The following GIPC2 variants were observed in gnomAD, a reference collection of about 807,000 sequenced individuals.
The protein encoded by GIPC2 is PDZ domain-containing protein GIPC2.
In GIPC2, 30 loss-of-function variants were observed where a neutral mutation model predicts 30.6. The observed-to-expected ratio is 0.98, with a 90% confidence interval of 0.73 to 1.33. The LOEUF (loss-of-function observed/expected upper bound fraction) is 1.33. GIPC2 is among the 40% of genes most tolerant of loss of function. GIPC2 has a pLI of 0.00. For missense variants in GIPC2, 414 were observed against 390.3 expected (o/e 1.06, Z -0.51); for synonymous variants, 167 against 150.0 (o/e 1.11, Z -0.83).
chr1:78,085,239 T>G (rs1323924326), intron 2 of GIPC2, among the ~76,000 whole-genome samples: 2 of 152,352 alleles, frequency 1.3e-5, no homozygotes, highest in East Asian at 3.9e-4. Context: ...CATTTATTGA[T>G]ATGCTTATGT....
chr1:78,046,355 G>C (rs748261687), intron 1 of GIPC2, 21 bp downstream of exon 1: 2 of 1,583,056 alleles, frequency 1.3e-6, no homozygotes, highest in African/African-American at 2.7e-5. Context: ...AGGTGCTCAG[G>C]CTCTCCCGCC....
At chr1:78,130,616 C>T (rs1233454106) in intron 5 of GIPC2, among the ~76,000 whole-genome samples, 3 of 152,110 alleles carry the variant, frequency 2.0e-5, no homozygotes, top group African/African-American at 4.8e-5. Context: ...TAGAATGAGA[C>T]GTAGTTGCAT....
chr1:78,115,504 C>T (rs557167350), intron 3 of GIPC2, among the ~76,000 whole-genome samples: 4 of 152,182 alleles, frequency 2.6e-5, no homozygotes, highest in Non-Finnish European at 4.4e-5. Flanking sequence ...TGACTCTGGG[C>T]TGGGGATACT....
chr1:78,102,924 GA>G (rs1416429682), intron 3 of GIPC2, among the ~76,000 whole-genome samples: 1 of 152,178 alleles, frequency 6.6e-6, no homozygotes, highest in Non-Finnish European at 1.5e-5. Flanking sequence ...TTGGATTCTG[GA>G]AAGACAGATG....
At chr1:78,102,439 TTTA>T (rs1662266736) in intron 3 of GIPC2, among the ~76,000 whole-genome samples, 2 of 152,266 alleles carry the variant, frequency 1.3e-5, no homozygotes, top group East Asian at 1.9e-4. Flanking sequence ...AAAATTACTT[TTTA>T]TTATTCATGC....
intron 3 of GIPC2, among the ~76,000 whole-genome samples, chr1:78,108,189 T>C (rs551131946): frequency 6.6e-6 from 1 of 152,362 alleles, no homozygotes; most frequent in East Asian, 1.9e-4. Context: ...GCTATCATTC[T>C]TTGTTAAAAG....
intron 3 of GIPC2, among the ~76,000 whole-genome samples, chr1:78,118,974 T>C (rs1662626649): frequency 6.6e-6 from 1 of 152,036 alleles, no homozygotes; most frequent in Non-Finnish European, 1.5e-5. Flanking sequence ...TTTTTTTTCC[T>C]TTAAATTTTT....
Position 78,125,971 on chromosome 1 carries a change from A to G in GIPC2, c.796+9A>G. Reference sequence around the variant, plus strand: ...TCGAGATATTGATTTAGGTAAGATTATACTATTTAAAAAAGTCTTATATCT... The same window carrying G: ...TCGAGATATTGATTTAGGTAAGATTGTACTATTTAAAAAAGTCTTATATCT... On this transcript the variant is annotated intron_variant, in intron 5 of 5. Coordinates refer to ENST00000370759, the MANE Select transcript of GIPC2 (RefSeq NM_017655.6). 1 of 1,327,040 alleles carries G rather than the reference A, an allele frequency of 7.5e-7. No homozygotes were observed. Among genetic ancestry groups the G allele is most frequent in the Non-Finnish European group, 1.1e-6 (1 of 920,272 alleles). The allele number at this position is 1,327,040 out of a possible 1,614,324, so 82.2% of individuals were successfully genotyped here.
intron 1 of GIPC2, among the ~76,000 whole-genome samples, chr1:78,047,430 G>A (rs958072821): frequency 6.6e-6 from 1 of 152,130 alleles, no homozygotes; most frequent in Admixed American, 6.5e-5. Flanking sequence ...TTGTTCTTTC[G>A]AAGTTCCCAG....
At chr1:78,123,279 G>A (rs593210) in intron 4 of GIPC2, among the ~76,000 whole-genome samples, 128,262 of 134,242 alleles carry the variant, frequency 0.96, 61,146 homozygotes, top group East Asian at 1. Flanking sequence ...AAAAAAAAAA[G>A]GGTCAGGAAG....
At chr1:78,124,357 T>A (rs1234239618) in intron 4 of GIPC2, among the ~76,000 whole-genome samples, 1 of 152,234 alleles carries the variant, frequency 6.6e-6, no homozygotes, top group African/African-American at 2.4e-5. Context: ...ATTTCCTTTT[T>A]TGGTGTATTT....
intron 1 of GIPC2, among the ~76,000 whole-genome samples, chr1:78,047,203 G>T (rs1557523333): frequency 6.6e-6 from 1 of 152,230 alleles, no homozygotes; most frequent in Non-Finnish European, 1.5e-5. Flanking sequence ...GCAAAGGTAG[G>T]TGTGAAAAGT....
chr1:78,131,245 C>T (rs1016038066), intron 5 of GIPC2, among the ~76,000 whole-genome samples: 4 of 151,342 alleles, frequency 2.6e-5, no homozygotes, highest in Admixed American at 6.6e-5. Flanking sequence ...CTTGCTCTGT[C>T]GCCCAGGCTG....
intron 5 of GIPC2, among the ~76,000 whole-genome samples, chr1:78,126,543 G>C (rs1662785697): frequency 6.9e-6 from 1 of 144,142 alleles, no homozygotes; most frequent in African/African-American, 2.5e-5. Flanking sequence ...ATTCCAGCTG[G>C]CTTAAGGAAA....
At position 78,137,933 on chromosome 1, in the gene GIPC2, A is replaced by G. The variant is rs1455504134; in HGVS notation, c.*2190A>G. The G allele has an allele frequency of 6.6e-6, 1 of 152,062 alleles. No homozygotes were observed. The highest frequency in any genetic ancestry group is 2.4e-5 in the African/African-American group (1 of 41,406). 9.4% of individuals were successfully genotyped at this position (152,062 alleles called of 1,614,324 possible). ...GCTTCAGTGAGACAAATCACTTTTT[A>G]AAAAACATTCCATTTTATTGGCATC... On this transcript the variant is annotated 3_prime_UTR_variant, in exon 6 of 6. Transcript: ENST00000370759.
chr1:78,046,260 C>A lies in GIPC2; in HGVS notation c.166C>A (p.Arg56=). 6.2e-7 allele frequency: 1 copy of A among 1,611,140 alleles called. No individual in the cohort carries two copies. The highest frequency in any genetic ancestry group is 8.5e-7 in the Non-Finnish European group (1 of 1,179,172). ...AQLAHGSATG[R]VEGFSSIQEL... ...GCTGGCGCACGGTAGTGCCACGGGC[C>A]GAGTGGAGGGCTTCTCCAGCATCCA... Residue 56 remains arginine, a synonymous_variant, in exon 1 of 6, where the codon CGA becomes AGA. Coordinates refer to ENST00000370759, the MANE Select transcript of GIPC2 (RefSeq NM_017655.6).
chr1:78,107,956 A>G (rs1305664220), intron 3 of GIPC2, among the ~76,000 whole-genome samples: 1 of 151,818 alleles, frequency 6.6e-6, no homozygotes, highest in Non-Finnish European at 1.5e-5. Context: ...TTTATTATAA[A>G]TAGTTCCATG....
intron 1 of GIPC2, among the ~76,000 whole-genome samples, chr1:78,065,412 G>T (rs890259251): frequency 6.6e-6 from 1 of 151,472 alleles, no homozygotes; most frequent in African/African-American, 2.4e-5. Flanking sequence ...AGAAATCAGA[G>T]ATATCACTAA....
intron 1 of GIPC2, among the ~76,000 whole-genome samples, chr1:78,052,611 A>T (rs894231442): frequency 3.3e-5 from 5 of 152,338 alleles, no homozygotes; most frequent in African/African-American, 9.6e-5. Flanking sequence ...TATCTTTAAA[A>T]TTTTTTGAAA....
Sources: allele counts gnomAD v4.1 joint callset (sites outside exome capture counted in the v4.1 genomes callset), GRCh38; gene constraint gnomAD v4.1.1; transcripts MANE v1.5; gene names NCBI Gene and HGNC (gene_info 2026-07-23, HGNC 2026-07-21).